Variants in UBE2E2 observed in about 807,000 individuals in gnomAD.
The protein encoded by UBE2E2 is ubiquitin conjugating enzyme E2 E2, also known as ubiquitin-conjugating enzyme E2 E2.
UBE2E2 carries 6 observed loss-of-function variants against 24.7 expected under a neutral mutation model. The ratio of observed to expected loss-of-function variants is 0.24; its 90% CI spans 0.13 to 0.48. The LOEUF (loss-of-function observed/expected upper bound fraction) is 0.48. Ranked by LOEUF, UBE2E2 falls within the 20% of genes least tolerant of loss-of-function variation. The pLI is 0.99. For synonymous variants in UBE2E2, 104 were observed against 83.6 expected, an observed-to-expected ratio of 1.24 and a Z score of -1.33; for missense variants, 169 against 245.0, an observed-to-expected ratio of 0.69 and a Z score of 2.07.
chr3:23,391,647 A>C (rs952684598), intron 3 of UBE2E2, among the ~76,000 whole-genome samples: 2 of 152,168 alleles, frequency 1.3e-5, no homozygotes, highest in East Asian at 1.9e-4. Flanking sequence ...TTTGTTTCCT[A>C]AGCTTATATA....
intron 3 of UBE2E2, among the ~76,000 whole-genome samples, chr3:23,222,433 TGGGA>T (rs1287802258): frequency 2.0e-5 from 3 of 152,164 alleles, no homozygotes; most frequent in Non-Finnish European, 2.9e-5. Context: ...CCACGTGTTG[TGGGA>T]GGGACTGGCG....
At chr3:23,353,111 T>C (rs991789651) in intron 3 of UBE2E2, among the ~76,000 whole-genome samples, 2 of 152,198 alleles carry the variant, frequency 1.3e-5, no homozygotes, top group Non-Finnish European at 2.9e-5. Flanking sequence ...CTCCAGCATA[T>C]AAACAGAACC....
At chr3:23,308,736 A>G (rs1699299980) in intron 3 of UBE2E2, among the ~76,000 whole-genome samples, 1 of 152,180 alleles carries the variant, frequency 6.6e-6, no homozygotes, top group East Asian at 1.9e-4. Flanking sequence ...GGGAGAATTG[A>G]TTCATGCTAT....
At chr3:23,519,071 A>G (rs879574543) in intron 4 of UBE2E2, among the ~76,000 whole-genome samples, 10 of 152,118 alleles carry the variant, frequency 6.6e-5, no homozygotes, top group Non-Finnish European at 1.2e-4. Flanking sequence ...TTGTCATTCA[A>G]CATCTACTCC....
chr3:23,423,646 G>T (rs1285712255), intron 3 of UBE2E2, among the ~76,000 whole-genome samples: 1 of 152,062 alleles, frequency 6.6e-6, no homozygotes, highest in Non-Finnish European at 1.5e-5. Context: ...TCCAGTGCGT[G>T]TATTTATTTC....
intron 4 of UBE2E2, among the ~76,000 whole-genome samples, chr3:23,512,814 G>A (rs533751415): frequency 5.3e-4 from 80 of 152,140 alleles, no homozygotes; most frequent in African/African-American, 1.8e-3. Context: ...GCGTGGTGGC[G>A]CACGCTTGTA....
rs1462094105 is a variant in UBE2E2 at position 23,280,754 on chromosome 3, TACTC to T, written c.227+63446_227+63449del. 2.0e-5 allele frequency among the ~76,000 whole-genome samples: 3 copies of T among 152,250 alleles called. No homozygotes were observed. Among genetic ancestry groups the T allele is most frequent in the Non-Finnish European group, 4.4e-5 (3 of 68,040 alleles). On this transcript the variant is annotated intron_variant, in intron 3 of 5. Transcript: ENST00000396703. This position sits in a 1 kb window ranked among gnomAD's most constrained non-coding sequence, Gnocchi z 4.3. ...ACTGGAGACTAGCCTCTATGTTTCT[TACTC>T]ACTTCTGTTTTTACTGATTCTGCTT...
intron 5 of UBE2E2, among the ~76,000 whole-genome samples, chr3:23,572,999 T>G (rs1696260986): frequency 6.6e-6 from 1 of 152,054 alleles, no homozygotes. Context: ...CTTTAATTGC[T>G]CCAAGTATTA....
intron 3 of UBE2E2, among the ~76,000 whole-genome samples, chr3:23,377,238 C>T (rs1045403663): frequency 1.3e-5 from 2 of 152,132 alleles, no homozygotes; most frequent in African/African-American, 4.8e-5. Flanking sequence ...CCTCAGAACT[C>T]ATCTACCTGA....
intron 2 of UBE2E2, among the ~76,000 whole-genome samples, chr3:23,212,454 ATCT>A (rs766209203): frequency 1.1e-4 from 17 of 152,236 alleles, no homozygotes; most frequent in South Asian, 4.1e-4. Context: ...CTATTTTGAG[ATCT>A]TCTTTGAATT....
chr3:23,395,348 AT>A (rs1284956589), intron 3 of UBE2E2, among the ~76,000 whole-genome samples: 16 of 152,228 alleles, frequency 1.1e-4, no homozygotes, highest in Non-Finnish European at 2.4e-4. Context: ...GAAGGGTAAG[AT>A]GAGAGAAACA....
intron 3 of UBE2E2, among the ~76,000 whole-genome samples, chr3:23,465,682 A>C (rs1698906447): frequency 6.6e-6 from 1 of 152,206 alleles, no homozygotes; most frequent in Non-Finnish European, 1.5e-5. Context: ...CTGTATCTCT[A>C]AATCCCACTC....
chr3:23,537,251 G>T (rs1695288195), intron 5 of UBE2E2, among the ~76,000 whole-genome samples: 1 of 152,162 alleles, frequency 6.6e-6, no homozygotes, highest in African/African-American at 2.4e-5. Context: ...GCATTCGTAA[G>T]CAACCATGAA....
At chr3:23,538,771 A>C (rs1163505378) in intron 5 of UBE2E2, among the ~76,000 whole-genome samples, 2 of 152,120 alleles carry the variant, frequency 1.3e-5, no homozygotes, top group Admixed American at 1.3e-4. Flanking sequence ...AATTTGGTTT[A>C]AAAAAACAAA....
At chr3:23,348,249 G>T (rs1283131041) in intron 3 of UBE2E2, among the ~76,000 whole-genome samples, 1 of 151,468 alleles carries the variant, frequency 6.6e-6, no homozygotes, top group African/African-American at 2.4e-5. Flanking sequence ...AAATGCTCCT[G>T]CTGCATGGTT....
intron 3 of UBE2E2, among the ~76,000 whole-genome samples, chr3:23,357,944 T>C (rs932870647): frequency 1.3e-5 from 2 of 152,212 alleles, no homozygotes; most frequent in African/African-American, 4.8e-5. Flanking sequence ...AGCGTGATCC[T>C]TCTACCTCAG....
chr3:23,226,444 C>T (rs747446811), intron 3 of UBE2E2, among the ~76,000 whole-genome samples: 10 of 151,548 alleles, frequency 6.6e-5, no homozygotes, highest in Non-Finnish European at 1.5e-4. Flanking sequence ...GTCTTTTCAA[C>T]CACTTTCTGA....
intron 3 of UBE2E2, among the ~76,000 whole-genome samples, chr3:23,434,417 A>G (rs866349456): frequency 2.0e-5 from 3 of 152,148 alleles, no homozygotes; most frequent in Non-Finnish European, 4.4e-5. Context: ...ACAATTGTGC[A>G]TTAGCTCTAC....
intron 3 of UBE2E2, among the ~76,000 whole-genome samples, chr3:23,421,493 G>A (rs772656306): frequency 1.5e-4 from 23 of 152,316 alleles, no homozygotes; most frequent in Non-Finnish European, 2.8e-4. Flanking sequence ...TGCAACCTCT[G>A]CCTCCAGGGT....
Sources: allele counts gnomAD v4.1 joint callset (sites outside exome capture counted in the v4.1 genomes callset), GRCh38; gene constraint gnomAD v4.1.1; non-coding constraint Gnocchi (gnomAD v3.1); transcripts MANE v1.5; gene names NCBI Gene and HGNC (gene_info 2026-07-23, HGNC 2026-07-21).